Variants in FHIT observed in about 807,000 individuals in gnomAD.
FHIT encodes the protein bis(5'-adenosyl)-triphosphatase.
In FHIT, 19 loss-of-function variants were observed where a neutral mutation model predicts 17.9. The ratio of observed to expected loss-of-function variants is 1.06; its 90% CI spans 0.74 to 1.56. The LOEUF (loss-of-function observed/expected upper bound fraction) is 1.56, where lower values mean the gene tolerates loss of function less well. FHIT is among the 40% of genes most tolerant of loss of function. The probability of loss-of-function intolerance (pLI) is 0.00; values close to 1 mark genes in which losing one functional copy is unlikely to be tolerated. For synonymous variants in FHIT, 81 were observed against 69.7 expected (o/e 1.16, Z -0.81); for missense variants, 248 against 189.2 (o/e 1.31, Z -1.82).
At chr3:59,931,732 T>C (rs538966381) in intron 7 of FHIT, among the ~76,000 whole-genome samples, 1 of 152,166 alleles carries the variant, frequency 6.6e-6, no homozygotes, top group Non-Finnish European at 1.5e-5. Flanking sequence ...GGAGACTCTG[T>C]TGAGTTTCGT....
At chr3:60,446,213 T>C (rs927839994) in intron 5 of FHIT, among the ~76,000 whole-genome samples, 4 of 152,120 alleles carry the variant, frequency 2.6e-5, no homozygotes, top group East Asian at 1.9e-4. Context: ...TGGGGCATCA[T>C]TGAGATTCTT....
intron 1 of FHIT, among the ~76,000 whole-genome samples, chr3:61,237,973 AAC>A (rs2040274467): frequency 6.6e-6 from 1 of 152,142 alleles, no homozygotes; most frequent in Non-Finnish European, 1.5e-5. Flanking sequence ...TGCACAGAGC[AAC>A]AGTCTTCAGA....
At chr3:60,881,212 T>C (rs1262537163) in intron 3 of FHIT, among the ~76,000 whole-genome samples, 1 of 152,176 alleles carries the variant, frequency 6.6e-6, no homozygotes, top group South Asian at 2.1e-4. Context: ...AGGATCATCA[T>C]ATAATGATAA....
chr3:60,946,190 A>G (rs782698849), intron 3 of FHIT, among the ~76,000 whole-genome samples: 7 of 152,148 alleles, frequency 4.6e-5, no homozygotes, highest in Non-Finnish European at 7.4e-5. Flanking sequence ...AGGATCAAAG[A>G]ACTGTTGGAG....
chr3:60,961,151 T>A (rs1280838964), intron 3 of FHIT, among the ~76,000 whole-genome samples: 2 of 152,202 alleles, frequency 1.3e-5, no homozygotes, highest in African/African-American at 4.8e-5. Context: ...GGTATCTCAT[T>A]GTGGTTTTGA....
intron 4 of FHIT, among the ~76,000 whole-genome samples, chr3:60,754,995 T>C (rs2042544495): frequency 6.6e-6 from 1 of 152,204 alleles, no homozygotes; most frequent in African/African-American, 2.4e-5. Flanking sequence ...AAGGAAATCA[T>C]CTGCATCCTT....
intron 5 of FHIT, among the ~76,000 whole-genome samples, chr3:60,414,000 T>C (rs1254028967): frequency 2.0e-5 from 3 of 152,188 alleles, no homozygotes; most frequent in Admixed American, 1.3e-4. Context: ...GAAATAACTA[T>C]GTAACTACAA....
chr3:60,602,661 A>G (rs2038482813), intron 4 of FHIT, among the ~76,000 whole-genome samples: 5 of 152,150 alleles, frequency 3.3e-5, no homozygotes, highest in Admixed American at 3.3e-4. Flanking sequence ...GGAGAATGAC[A>G]TTTGCAAAAC....
chr3:60,330,184 A>T lies in FHIT; in HGVS notation c.103+206676T>A, dbSNP rs1420382589. 2.0e-5 allele frequency among the ~76,000 whole-genome samples: 3 copies of T among 152,186 alleles called. No individual in the cohort carries two copies. In the East Asian group the frequency reaches 5.8e-4, roughly 29 times the overall value. The stretch of plus-strand genomic sequence containing the variant: ...CAACTGGGCTCCCGGGATTCTAAGC[A>T]CATCACTCAGACTGACAGAGCAAGT... On this transcript the variant is annotated intron_variant, in intron 5 of 9. Transcript: ENST00000492590.
chr3:60,108,369 T>A (rs1193813380), intron 5 of FHIT, among the ~76,000 whole-genome samples: 1 of 152,208 alleles, frequency 6.6e-6, no homozygotes, highest in African/African-American at 2.4e-5. Context: ...CTCAGCCATT[T>A]AAGTCAAAAG....
chr3:60,917,266 T>A (rs1361712040), intron 3 of FHIT, among the ~76,000 whole-genome samples: 5 of 152,202 alleles, frequency 3.3e-5, no homozygotes, highest in African/African-American at 1.2e-4. Flanking sequence ...TTATCCCTAA[T>A]CTGTTACTAC....
intron 5 of FHIT, among the ~76,000 whole-genome samples, chr3:60,097,024 T>TAAAAAAA (rs71287192): frequency 1.6e-5 from 2 of 127,228 alleles, no homozygotes; most frequent in African/African-American, 2.9e-5. Context: ...CTGTTATTAT[T>TAAAAAAA]AAAAAAAAAA....
At chr3:60,825,912 A>G (rs1047066666) in intron 3 of FHIT, among the ~76,000 whole-genome samples, 7 of 152,118 alleles carry the variant, frequency 4.6e-5, no homozygotes, top group Non-Finnish European at 1.0e-4. Flanking sequence ...ACAGGCAGCA[A>G]AGAAAGTGGA....
At chr3:60,776,603 C>T (rs917384591) in intron 4 of FHIT, among the ~76,000 whole-genome samples, 1 of 152,160 alleles carries the variant, frequency 6.6e-6, no homozygotes, top group Non-Finnish European at 1.5e-5. Context: ...ACTGGTAAGG[C>T]CTGGGGACAC....
intron 5 of FHIT, among the ~76,000 whole-genome samples, chr3:60,097,865 G>T (rs9868048): frequency 0.58 from 48,562 of 84,262 alleles, 12,867 homozygotes; most frequent in Middle Eastern, 0.69. Flanking sequence ...CCCTCCCCCC[G>T]CCCCCCACCC....
intron 5 of FHIT, among the ~76,000 whole-genome samples, chr3:60,411,487 C>T (rs538700793): frequency 7.9e-5 from 12 of 152,104 alleles, no homozygotes; most frequent in Admixed American, 2.6e-4. Context: ...AACTGCCAAA[C>T]GTTGTAGGGT....
chr3:60,027,901 C>A (rs1004660103), intron 5 of FHIT, among the ~76,000 whole-genome samples: 2 of 152,098 alleles, frequency 1.3e-5, no homozygotes, highest in Non-Finnish European at 2.9e-5. Flanking sequence ...CCATATGTGG[C>A]TACTGAGCAC....
chr3:61,180,902 G>C (rs773218676), intron 2 of FHIT, among the ~76,000 whole-genome samples: 1 of 152,104 alleles, frequency 6.6e-6, no homozygotes, highest in Admixed American at 6.5e-5. Context: ...GTTAATGATA[G>C]TAATCATTTT....
chr3:60,195,074 G>A (rs1007810140), intron 5 of FHIT, among the ~76,000 whole-genome samples: 24 of 152,104 alleles, frequency 1.6e-4, no homozygotes, highest in African/African-American at 5.6e-4. Flanking sequence ...GCTGAGGCAG[G>A]AGAATCACTT....
Sources: allele counts gnomAD v4.1 joint callset (sites outside exome capture counted in the v4.1 genomes callset), GRCh38; gene constraint gnomAD v4.1.1; transcripts MANE v1.5; gene names NCBI Gene and HGNC (gene_info 2026-07-23, HGNC 2026-07-21).